The following SAE1 variants were observed in gnomAD, a reference collection of about 807,000 sequenced individuals.
SAE1 encodes the protein SUMO-activating enzyme subunit 1.
SAE1 carries 11 observed loss-of-function variants against 40.6 expected under a neutral mutation model. That is an observed-to-expected ratio of 0.27 (90% CI 0.17 to 0.45). SAE1 has a LOEUF of 0.45. Among genes scored for constraint, SAE1 ranks in the 20% least tolerant of loss-of-function variants. The pLI, the probability that SAE1 is intolerant of heterozygous loss-of-function variation, is 1.00. For missense variants in SAE1, 373 were observed against 427.3 expected, an observed-to-expected ratio of 0.87 and a Z score of 1.12; for synonymous variants, 155 against 154.3, an observed-to-expected ratio of 1.00 and a Z score of -0.03.
At position 47,143,633 on chromosome 19, in the gene SAE1, C is replaced by G. The variant is rs776596780; in HGVS notation, c.210+28C>G. On this transcript the variant is annotated intron_variant, in intron 2 of 8. Coordinates refer to ENST00000270225, the MANE Select transcript of SAE1 (RefSeq NM_005500.3). The stretch of plus-strand genomic sequence containing the variant: ...GCGCTGTTGTGAGCTCATTCCTCCC[C>G]TGCTCTGGCTCCCCTTTCCAGCATG... 5 of 1,506,134 alleles carry G rather than the reference C, an allele frequency of 3.3e-6. No homozygotes were observed. The East Asian group carries it at 1.1e-4, about 34-fold the overall frequency. The allele number at this position is 1,506,134 out of a possible 1,614,324, so 93.3% of individuals were successfully genotyped here. A position where few individuals can be genotyped will look rare whatever the true frequency, so the allele number is the denominator to read the frequency against.
chr19:47,137,346 C>T (rs1385029587), intron 1 of SAE1, among the ~76,000 whole-genome samples: 2 of 152,108 alleles, frequency 1.3e-5, no homozygotes, highest in Non-Finnish European at 2.9e-5. Flanking sequence ...CAAGGTCACA[C>T]TATCGCACTC....
intron 7 of SAE1, 103 bp from the exon 8 acceptor site, chr19:47,203,568 G>C: frequency 1.0e-6 from 1 of 970,296 alleles, no homozygotes; most frequent in South Asian, 1.4e-5. Context: ...CCTCCTGCTA[G>C]AAGTTGTTTT....
chr19:47,180,309 C>T (rs2058497917), intron 6 of SAE1: 2 of 455,798 alleles, frequency 4.4e-6, no homozygotes, highest in Non-Finnish European at 8.8e-6. Context: ...TACAGGTGAG[C>T]TTGGAATATC....
intron 4 of SAE1, among the ~76,000 whole-genome samples, chr19:47,153,465 T>G (rs1350906705): frequency 6.6e-6 from 1 of 152,188 alleles, no homozygotes; most frequent in Admixed American, 6.5e-5. Flanking sequence ...CTTTGTAGTC[T>G]CTAGGTGAAA....
intron 2 of SAE1, among the ~76,000 whole-genome samples, chr19:47,149,054 G>T (rs746367618): frequency 6.6e-6 from 1 of 151,092 alleles, no homozygotes; most frequent in Non-Finnish European, 1.5e-5. Context: ...TCTCTGTGTT[G>T]TCCAGGCTAG....
intron 4 of SAE1, among the ~76,000 whole-genome samples, chr19:47,154,804 CTATT>C (rs2058310803): frequency 6.6e-6 from 1 of 152,122 alleles, no homozygotes; most frequent in South Asian, 2.1e-4. Flanking sequence ...CCAAGTTTGG[CTATT>C]TATTTCATGA....
chr19:47,150,148 G>T, intron 2 of SAE1, 54 bp from the exon 3 acceptor site: 1 of 1,195,854 alleles, frequency 8.4e-7, no homozygotes, highest in Non-Finnish European at 1.1e-6. Flanking sequence ...TTCTTTTTAA[G>T]ATTTATTTTC....
intron 6 of SAE1, among the ~76,000 whole-genome samples, chr19:47,182,762 G>C (rs2058518448): frequency 6.6e-6 from 1 of 152,078 alleles, no homozygotes; most frequent in Non-Finnish European, 1.5e-5. Flanking sequence ...ATTAGATGAA[G>C]GCCTGGCACA....
In SAE1 at chr19:47,198,131, CAG is replaced by C. The variant is rs756671962; in HGVS notation, c.878+757_878+758del. Among the ~76,000 whole-genome samples, 294 of 150,898 alleles carry C rather than the reference CAG, an allele frequency of 1.9e-3. 7 individuals carry two copies. The East Asian group carries it at 0.052, about 26-fold the overall frequency. On this transcript the variant is annotated intron_variant, in intron 7 of 8. Transcript: ENST00000270225. ...CTCTCTCTCTTTTTTTTTTTTGAGA[CAG>C]AGTTTTGCTCTTGTTGCCCAGGCTG...
intron 6 of SAE1, among the ~76,000 whole-genome samples, chr19:47,192,056 A>AT (rs1409732999): frequency 9.9e-5 from 15 of 151,174 alleles, no homozygotes; most frequent in Admixed American, 3.9e-4. Context: ...TCTGTCTCAA[A>AT]AAAAAAAAAA....
chr19:47,136,823 G>A (rs906358260), intron 1 of SAE1, among the ~76,000 whole-genome samples: 1 of 152,082 alleles, frequency 6.6e-6, no homozygotes, highest in African/African-American at 2.4e-5. Flanking sequence ...CTCTGGAGTC[G>A]GAAGGGCAGT....
chr19:47,158,485 A>T (rs1201436471), intron 5 of SAE1, among the ~76,000 whole-genome samples: 1 of 152,184 alleles, frequency 6.6e-6, no homozygotes, highest in East Asian at 1.9e-4. Context: ...GGAGACAGCA[A>T]TGAGGTGGTG....
At chr19:47,167,421 T>C (rs946400731) in intron 5 of SAE1, among the ~76,000 whole-genome samples, 1 of 151,342 alleles carries the variant, frequency 6.6e-6, no homozygotes, top group African/African-American at 2.4e-5. Context: ...TTTGTATTTT[T>C]AGTAGAGACG....
At chr19:47,168,659 A>G (rs1224406939) in intron 5 of SAE1, among the ~76,000 whole-genome samples, 1 of 151,766 alleles carries the variant, frequency 6.6e-6, no homozygotes, top group Non-Finnish European at 1.5e-5. Flanking sequence ...CTGGAGTGCA[A>G]TGGCGCGATC....
intron 1 of SAE1, among the ~76,000 whole-genome samples, chr19:47,133,448 A>G (rs1218394518): frequency 6.6e-6 from 1 of 152,182 alleles, no homozygotes; most frequent in Non-Finnish European, 1.5e-5. Flanking sequence ...GATAGTCTCG[A>G]TCTCCTGACC....
chr19:47,205,855 T>C (rs900846005), intron 8 of SAE1, among the ~76,000 whole-genome samples: 35 of 152,262 alleles, frequency 2.3e-4, no homozygotes, highest in African/African-American at 7.9e-4. Flanking sequence ...GGCTAGTGAG[T>C]GTGGTGCCAG....
Position 47,203,723 on chromosome 19 carries a change from G to T in SAE1, c.931G>T (p.Ala311Ser), listed in dbSNP as rs2058668153. Reference protein sequence around the residue: ...PVCAVVGGILAQEIVKALSQR... With the variant: ...PVCAVVGGILSQEIVKALSQR... The stretch of plus-strand genomic sequence containing the variant: ...GTGTGCGGTGGTTGGAGGGATTTTG[G>T]CACAGGAAATTGTGAAGGTAAAACA... Residue 311 changes from alanine (A) to serine (S), a missense_variant, in exon 8 of 9, where the codon GCA becomes TCA. By Grantham distance (99) the Ala-to-Ser change is moderately conservative (BLOSUM62 1). Around this residue, in one of 3 missense-constraint regions of SAE1, gnomAD observed 351 missense variants for 390.6 expected, o/e 0.90. Coordinates refer to ENST00000270225, the MANE Select transcript of SAE1 (RefSeq NM_005500.3). The T allele has an allele frequency of 6.2e-7, 1 of 1,613,798 alleles. No individual in the cohort carries two copies. Among genetic ancestry groups the T allele is most frequent in the Non-Finnish European group, 8.5e-7 (1 of 1,179,928 alleles).
At chr19:47,185,719 A>G (rs1351422734) in intron 6 of SAE1, among the ~76,000 whole-genome samples, 2 of 151,714 alleles carry the variant, frequency 1.3e-5, no homozygotes, top group East Asian at 3.9e-4. Context: ...CTCCTGCCTT[A>G]GTCTCCTGAG....
chr19:47,178,155 C>T (rs184587071), intron 6 of SAE1, among the ~76,000 whole-genome samples: 2 of 151,944 alleles, frequency 1.3e-5, no homozygotes, highest in African/African-American at 2.4e-5. Flanking sequence ...GCAGGAGAAT[C>T]GCTTGAAAAC....
Sources: gnomAD v4.1 joint callset for allele counts (sites outside exome capture counted in the v4.1 genomes callset) on GRCh38, gnomAD v4.1.1 for gene constraint, gnomAD v4.1.1 regional missense constraint, MANE v1.5 for transcripts, NCBI Gene and HGNC (gene_info 2026-07-23, HGNC 2026-07-21) for gene names.